TRPM6: variants seen among roughly 807,000 people sequenced by gnomAD.
The protein encoded by TRPM6 is transient receptor potential cation channel subfamily M member 6.
Under a neutral mutation model 247.6 loss-of-function variants are expected in TRPM6, and 111 were observed. The observed-to-expected ratio is 0.45, with a 90% CI of 0.38 to 0.52. The LOEUF is 0.52. Among genes scored for constraint, TRPM6 ranks in the 20% least tolerant of loss-of-function variants. The probability of loss-of-function intolerance (pLI) is 0.00; values close to 1 mark genes in which losing one functional copy is unlikely to be tolerated. For synonymous variants in TRPM6, 892 were observed against 853.8 expected (o/e 1.04, Z -0.78); for missense variants, 2,126 against 2,421.5 (o/e 0.88, Z 2.56).
intron 23 of TRPM6, among the ~76,000 whole-genome samples, chr9:74,777,641 A>C (rs1827269858): frequency 6.6e-6 from 1 of 152,194 alleles, no homozygotes; most frequent in Admixed American, 6.5e-5. Flanking sequence ...AGAGTGGTTG[A>C]ATAGAAGGTA....
intron 7 of TRPM6, among the ~76,000 whole-genome samples, chr9:74,822,815 T>C (rs1283211337): frequency 6.6e-6 from 1 of 152,100 alleles, no homozygotes; most frequent in East Asian, 1.9e-4. Context: ...CAGAATAATA[T>C]GCACAGTATT....
intron 27 of TRPM6, among the ~76,000 whole-genome samples, chr9:74,760,534 C>T (rs73532445): frequency 0.018 from 2,719 of 152,186 alleles, 78 homozygotes; most frequent in African/African-American, 0.062. Context: ...AAAGTATCCC[C>T]ATCATTAAGC....
Position 74,834,083 on chromosome 9 carries a change from G to A in TRPM6, c.584C>T (p.Ser195Phe). The change falls in exon 6 of 39, where the codon TCC becomes TTC. Residue 195 changes from serine to phenylalanine, a missense_variant. Around this residue, in one of 3 missense-constraint regions of TRPM6, gnomAD observed 1,082 missense variants for 1,307.9 expected, o/e 0.83. Transcript: ENST00000360774. ...CCAGATTTTTCTCAAGGAATGAGAG[G>A]AATGGGATTTCAAGGCATCCCCAAC... ...KHVGDALKSH[S>F]SHSLRKIWTV... The A allele has an allele frequency of 6.2e-7, 1 of 1,614,088 alleles. No individual in the cohort carries two copies. The highest frequency in any genetic ancestry group is 8.5e-7 in the Non-Finnish European group (1 of 1,179,964).
chr9:74,735,105 A>G (rs1825650496), intron 36 of TRPM6, among the ~76,000 whole-genome samples: 1 of 151,960 alleles, frequency 6.6e-6, no homozygotes, highest in South Asian at 2.1e-4. Flanking sequence ...CTGTGGTCCC[A>G]GTTAACTCGG....
intron 29 of TRPM6, among the ~76,000 whole-genome samples, chr9:74,751,229 C>A (rs1402634044): frequency 6.6e-6 from 1 of 152,116 alleles, no homozygotes; most frequent in Non-Finnish European, 1.5e-5. Context: ...CAATTATTTC[C>A]TGAGACTTAG....
At chr9:74,884,160 GTAAA>G (rs1831453565) in intron 1 of TRPM6, among the ~76,000 whole-genome samples, 1 of 151,262 alleles carries the variant, frequency 6.6e-6, no homozygotes, top group African/African-American at 2.4e-5. Flanking sequence ...AAAAAATAAA[GTAAA>G]TAAATAAATA....
chr9:74,761,713 G>C lies in TRPM6; in HGVS notation c.4768C>G (p.Gln1590Glu). ...ACACTTACTGGCACCTGGAGTCCTT[G>C]AGTATTCTTCTTTTTCTTTGACAGT... ...RRLSKKKKNTQGLQVPIITVN... is the reference protein window; with the variant it reads ...RRLSKKKKNTEGLQVPIITVN... Residue 1590 changes from glutamine (Q) to glutamate (E), a missense_variant, in exon 27 of 39, where the codon CAA becomes GAA. Coordinates refer to ENST00000360774, the MANE Select transcript of TRPM6 (RefSeq NM_017662.5). 2 of 1,610,186 alleles carry C rather than the reference G, an allele frequency of 1.2e-6. No homozygotes were observed. Among genetic ancestry groups the C allele is most frequent in the Non-Finnish European group, 1.7e-6 (2 of 1,176,638 alleles).
chr9:74,874,235 T>TAA (rs1362617114), intron 1 of TRPM6, among the ~76,000 whole-genome samples: 1 of 78,232 alleles, frequency 1.3e-5, no homozygotes, highest in African/African-American at 4.6e-5. Context: ...GAATCTGTCT[T>TAA]AAAAACAAAA....
chr9:74,823,342 A>G (rs1360770069), intron 7 of TRPM6, among the ~76,000 whole-genome samples: 5 of 152,336 alleles, frequency 3.3e-5, no homozygotes, highest in African/African-American at 9.6e-5. Flanking sequence ...TCCAAACTCA[A>G]GTCTGGCCTT....
chr9:74,739,273 C>T, intron 35 of TRPM6, 94 bp downstream of exon 35: 1 of 1,199,710 alleles, frequency 8.3e-7, no homozygotes, highest in Admixed American at 1.7e-5. Flanking sequence ...GGGGAATTTC[C>T]CCATGGATAA....
At chr9:74,857,219 A>G (rs1830555915) in intron 2 of TRPM6, among the ~76,000 whole-genome samples, 1 of 152,212 alleles carries the variant, frequency 6.6e-6, no homozygotes, top group African/African-American at 2.4e-5. Flanking sequence ...ATTTCCAATC[A>G]CAAGACTTAC....
chr9:74,777,637 G>A (rs1187849459), intron 23 of TRPM6, among the ~76,000 whole-genome samples: 1 of 152,128 alleles, frequency 6.6e-6, no homozygotes, highest in Non-Finnish European at 1.5e-5. Context: ...CATCAGAGTG[G>A]TTGAATAGAA....
At position 74,738,444 on chromosome 9, in the gene TRPM6, C is replaced by T. The variant is rs1307137346; in HGVS notation, c.5739G>A (p.Glu1913=). ...LMLAFSHWTY[E]YTRGELLVLD... ...AAACCAGCAGCTCTCCCCGAGTGTA[C>T]TCATAGGTCCAGTGAGAGAAAGCCA... Residue 1913 remains glutamate (E), a synonymous_variant, in exon 36 of 39, where the codon GAG becomes GAA. Transcript: ENST00000360774. 5 of 1,613,988 alleles carry T rather than the reference C, an allele frequency of 3.1e-6. No individual in the cohort carries two copies. The highest frequency in any genetic ancestry group is 2.7e-5 in the African/African-American group (2 of 74,924).
chr9:74,798,168 G>C (rs1200628470), intron 17 of TRPM6, among the ~76,000 whole-genome samples: 1 of 151,920 alleles, frequency 6.6e-6, no homozygotes, highest in Non-Finnish European at 1.5e-5. Flanking sequence ...GTAGGCCTTA[G>C]TATTCTGGTA....
In TRPM6 at chr9:74,792,655, C is replaced by T; in HGVS notation, c.2507G>A (p.Ser836Asn). 6.2e-7 allele frequency: 1 copy of T among 1,614,150 alleles called. No homozygotes were observed. The highest frequency in any genetic ancestry group is 8.5e-7 in the Non-Finnish European group (1 of 1,180,008). Reference sequence around the variant, plus strand: ...AAACCAAAACTTGACAATTGGAGCACTGTAGAACTCATAGACTTTCCTGGT... The same window carrying T: ...AAACCAAAACTTGACAATTGGAGCATTGTAGAACTCATAGACTTTCCTGGT... The part of the protein sequence containing the change: ...PWTRKVYEFY[S>N]APIVKFWFYT... Residue 836 changes from serine (S) to asparagine (N), a missense_variant, in exon 19 of 39, where the codon AGT becomes AAT. This residue lies in a region of TRPM6 where 1,082 missense variants were observed against 1,307.9 expected (regional missense o/e 0.83). Transcript: ENST00000360774.
intron 1 of TRPM6, chr9:74,875,279 A>T (rs1413741446): frequency 4.4e-6 from 2 of 454,604 alleles, no homozygotes; most frequent in African/African-American, 4.0e-5. Context: ...GTGGTGACTC[A>T]CGCCTGTAAT....
chr9:74,859,069 T>C (rs550558355), intron 1 of TRPM6, among the ~76,000 whole-genome samples: 83 of 152,304 alleles, frequency 5.4e-4, no homozygotes, highest in Non-Finnish European at 1.0e-3. Flanking sequence ...AAAAGTCACT[T>C]TTATATCTTG....
At chr9:74,852,707 T>G (rs1253856449) in intron 3 of TRPM6, among the ~76,000 whole-genome samples, 2 of 152,356 alleles carry the variant, frequency 1.3e-5, no homozygotes, top group African/African-American at 4.8e-5. Flanking sequence ...TGGCCGGACT[T>G]GTCTCCAGCT....
chr9:74,760,033 G>T (rs1035403391), intron 27 of TRPM6, among the ~76,000 whole-genome samples: 9 of 152,132 alleles, frequency 5.9e-5, no homozygotes, highest in Non-Finnish European at 1.3e-4. Context: ...TACAACGGTG[G>T]TCCCATAAGA....
Sources: gnomAD v4.1 joint callset for allele counts (sites outside exome capture counted in the v4.1 genomes callset) on GRCh38, gnomAD v4.1.1 for gene constraint, gnomAD v4.1.1 regional missense constraint, MANE v1.5 for transcripts, NCBI Gene and HGNC (gene_info 2026-07-23, HGNC 2026-07-21) for gene names.